Variants in RPH3AL observed in about 807,000 individuals in gnomAD.
RPH3AL encodes rab effector Noc2.
RPH3AL carries 38 observed loss-of-function variants against 43.1 expected under a neutral mutation model. That is an observed-to-expected ratio of 0.88 (90% CI 0.68 to 1.15). RPH3AL has a LOEUF of 1.15. Ranked by LOEUF, RPH3AL falls within the 50% of genes most tolerant of loss-of-function variation. The probability of loss-of-function intolerance (pLI) is 0.00; values close to 1 mark genes in which losing one functional copy is unlikely to be tolerated. For missense variants in RPH3AL, 462 were observed against 423.2 expected (o/e 1.09, Z -0.81); for synonymous variants, 189 against 176.3 (o/e 1.07, Z -0.57).
At chr17:326,903 A>C (rs2044633973) in intron 3 of RPH3AL, among the ~76,000 whole-genome samples, 1 of 152,230 alleles carries the variant, frequency 6.6e-6, no homozygotes, top group Non-Finnish European at 1.5e-5. Context: ...ACTGGAAGCA[A>C]GGAACTAGCG....
chr17:264,141 C>T lies in RPH3AL; in HGVS notation c.439-16856G>A, dbSNP rs782516578. Among the ~76,000 whole-genome samples, 2 of 152,206 alleles carry T rather than the reference C, an allele frequency of 1.3e-5. No homozygotes were observed. The highest frequency in any genetic ancestry group is 4.8e-5 in the African/African-American group (2 of 41,454). ...ACCGATACTGAACAAGCTCAGCAAA[C>T]GTGAGGTGTACTGAGGTAACATACA... On this transcript the variant is annotated intron_variant, in intron 6 of 9. Coordinates refer to ENST00000331302, the MANE Select transcript of RPH3AL (RefSeq NM_006987.4). This position sits in a 1 kb window ranked among gnomAD's most constrained non-coding sequence, Gnocchi z 4.8.
At position 328,599 on chromosome 17, in the gene RPH3AL, C is replaced by T. The variant is rs1250304213; in HGVS notation, c.-36-1020G>A. Among the ~76,000 whole-genome samples, 1 of 152,176 alleles carries T rather than the reference C, an allele frequency of 6.6e-6. No individual in the cohort carries two copies. Among genetic ancestry groups the T allele is most frequent in the Non-Finnish European group, 1.5e-5 (1 of 68,040 alleles). ...ACATACGTCCTCACCAAAACCTGTA[C>T]ACAAACGTTCTTAGCAGCACTATTC... On this transcript the variant is annotated intron_variant, in intron 2 of 9. Transcript: ENST00000331302. The surrounding 1 kb of genome is among the most constrained non-coding windows in gnomAD (Gnocchi z 4.2).
At chr17:315,052 C>G (rs62053699) in intron 5 of RPH3AL, among the ~76,000 whole-genome samples, 4 of 78,174 alleles carry the variant, frequency 5.1e-5, no homozygotes, top group Non-Finnish European at 5.6e-5. Context: ...ACTCCACCTC[C>G]ACTGAACTGT....
chr17:249,409 T>C (rs901925169), intron 6 of RPH3AL, among the ~76,000 whole-genome samples: 6 of 151,936 alleles, frequency 3.9e-5, no homozygotes, highest in Non-Finnish European at 7.4e-5. Context: ...GACTTGAGGA[T>C]CAGGCCCAAG....
chr17:221,310 T>A (rs375724384), intron 7 of RPH3AL, among the ~76,000 whole-genome samples: 55 of 78,606 alleles, frequency 7.0e-4, no homozygotes, highest in Middle Eastern at 7.4e-3. Flanking sequence ...CCCAAGCACA[T>A]CAGCTCTGAG....
Position 248,281 on chromosome 17 carries a change from C to T in RPH3AL, c.439-996G>A, listed in dbSNP as rs370670069. On this transcript the variant is annotated intron_variant, in intron 6 of 9. Transcript: ENST00000331302. ...CCTCGGGAGAGGGGCTCAGAAGTGGCCACAAAGCTCCAGACTTGTTCTGGC... is the reference window on the plus strand; with the variant it reads ...CCTCGGGAGAGGGGCTCAGAAGTGGTCACAAAGCTCCAGACTTGTTCTGGC... Among the ~76,000 whole-genome samples the T allele has an allele frequency of 3.3e-5, 5 of 152,170 alleles. No homozygotes were observed. The South Asian group carries it at 8.3e-4, about 25-fold the overall frequency.
intron 5 of RPH3AL, among the ~76,000 whole-genome samples, chr17:310,255 A>G (rs1232551539): frequency 1.3e-5 from 2 of 152,226 alleles, no homozygotes; most frequent in African/African-American, 4.8e-5. Flanking sequence ...CCCTCAGATA[A>G]TGAGGGCAGG....
In RPH3AL at chr17:316,628, ACTCCACCTCCATT is replaced by A. The variant is rs1567514085; in HGVS notation, c.351+2779_351+2791del. 5.1e-3 allele frequency among the ~76,000 whole-genome samples: 76 copies of A among 14,790 alleles called. 1 individual carries two copies. The highest frequency in any genetic ancestry group is 8.9e-3 in the Non-Finnish European group (65 of 7,344). 9.7% of individuals were successfully genotyped at this position (14,790 alleles called of 152,430 possible). A position where few individuals can be genotyped will look rare whatever the true frequency, so the allele number is the denominator to read the frequency against. On this transcript the variant is annotated intron_variant, in intron 5 of 9. Coordinates refer to ENST00000331302, the MANE Select transcript of RPH3AL (RefSeq NM_006987.4). ...ACTTCCATTGACTTGTAGTCCCTGT[ACTCCACCTCCATT>A]GACCTGCAGTGCCTGTGCTCCACCT...
chr17:226,703 A>G (rs1431936041), intron 7 of RPH3AL, among the ~76,000 whole-genome samples: 1 of 152,118 alleles, frequency 6.6e-6, no homozygotes, highest in Non-Finnish European at 1.5e-5. Flanking sequence ...CCCTCCATTG[A>G]AATGTCACCG....
At chr17:317,698 G>A (rs565572651) in intron 5 of RPH3AL, among the ~76,000 whole-genome samples, 5 of 152,320 alleles carry the variant, frequency 3.3e-5, no homozygotes, top group Admixed American at 6.5e-5. Flanking sequence ...TATGACAAAA[G>A]CAGGAAAAGA....
Position 322,074 on chromosome 17 carries a change from G to C in RPH3AL, c.78-659C>G, listed in dbSNP as rs190508046. ...CTTTGAAAACTAGCAGGTTCGAGGC[G>C]GGGGGGAAGCGAGTTACAGAAGAGG... On this transcript the variant is annotated intron_variant, in intron 3 of 9. Transcript: ENST00000331302. The surrounding 1 kb of genome is among the most constrained non-coding windows in gnomAD (Gnocchi z 4.0). Among the ~76,000 whole-genome samples, 9 of 151,942 alleles carry C rather than the reference G, an allele frequency of 5.9e-5. No individual in the cohort carries two copies. The highest frequency in any genetic ancestry group is 1.5e-4 in the African/African-American group (6 of 41,294).
chr17:215,780 C>T lies in RPH3AL; in HGVS notation c.750G>A (p.Arg250=). 7.6e-7 allele frequency: 1 copy of T among 1,308,276 alleles called. No individual in the cohort carries two copies. The highest frequency in any genetic ancestry group is 9.8e-7 in the Non-Finnish European group (1 of 1,025,456). 81.0% of individuals were successfully genotyped at this position (1,308,276 alleles called of 1,614,324 possible). The stretch of plus-strand genomic sequence containing the variant: ...GGCCCGGCGGGTGGGTGAACCCCAT[C>T]CTGGGGGCCTCCACGCTGCCACCTG... ...KESGGSVEAP[R]MGFTHPPGHL... is the part of the protein sequence containing the mutation. The change falls in exon 9 of 10, where the codon AGG becomes AGA. Residue 250 remains arginine (R), a synonymous_variant. Coordinates refer to ENST00000331302, the MANE Select transcript of RPH3AL (RefSeq NM_006987.4). The surrounding 1 kb of genome is among the most constrained non-coding windows in gnomAD (Gnocchi z 4.1).
At chr17:262,710 A>T (rs1555546714) in intron 6 of RPH3AL, among the ~76,000 whole-genome samples, 1 of 152,074 alleles carries the variant, frequency 6.6e-6, no homozygotes, top group East Asian at 1.9e-4. Flanking sequence ...CATCAAACGA[A>T]TCCTAAGCCC....
intron 7 of RPH3AL, among the ~76,000 whole-genome samples, chr17:230,149 C>A (rs1170388602): frequency 6.6e-6 from 1 of 152,154 alleles, no homozygotes; most frequent in Non-Finnish European, 1.5e-5. Context: ...GGCTGGGAAT[C>A]CAGGTCTGGG....
chr17:223,867 C>T (rs748747653), intron 7 of RPH3AL, among the ~76,000 whole-genome samples: 6 of 152,166 alleles, frequency 3.9e-5, no homozygotes, highest in African/African-American at 7.2e-5. Context: ...CCTGTGCACC[C>T]GCAGCAGAGC....
chr17:314,368 G>A (rs948261533), intron 5 of RPH3AL, among the ~76,000 whole-genome samples: 7 of 152,126 alleles, frequency 4.6e-5, no homozygotes, highest in African/African-American at 7.2e-5. Flanking sequence ...AGGAGTCACT[G>A]CCCGAGTCCT....
intron 7 of RPH3AL, among the ~76,000 whole-genome samples, chr17:236,044 CG>C (rs1230830141): frequency 7.1e-6 from 1 of 140,128 alleles, no homozygotes; most frequent in East Asian, 2.1e-4. Context: ...ACTAACAAGA[CG>C]GGGGTCCCAG....
rs147131495 is a variant in RPH3AL at position 286,759 on chromosome 17, G to A, written c.352-4905C>T. Among the ~76,000 whole-genome samples the A allele has an allele frequency of 9.8e-5, 15 of 152,304 alleles. 1 individual carries two copies. Among genetic ancestry groups the A allele is most frequent in the African/African-American group, 3.4e-4 (14 of 41,564 alleles). On this transcript the variant is annotated intron_variant, in intron 5 of 9. Transcript: ENST00000331302. ...TGCCTGAGATGGGCTTCCTCGGAGT[G>A]GATTTGCCCAGGGCAAGCGAGTCCT... is the stretch of plus-strand genomic sequence containing the variant.
intron 7 of RPH3AL, among the ~76,000 whole-genome samples, chr17:242,224 C>A (rs2041557494): frequency 6.6e-6 from 1 of 152,160 alleles, no homozygotes; most frequent in Non-Finnish European, 1.5e-5. Context: ...TTGAAAAGTT[C>A]ATGACTTGTA....
Sources: allele counts gnomAD v4.1 joint callset (sites outside exome capture counted in the v4.1 genomes callset), GRCh38; gene constraint gnomAD v4.1.1; non-coding constraint Gnocchi (gnomAD v3.1); transcripts MANE v1.5; gene names NCBI Gene and HGNC (gene_info 2026-07-23, HGNC 2026-07-21).